Variants in ANK3 observed in about 807,000 individuals in gnomAD.
ANK3 encodes the protein ankyrin-3.
A neutral mutation model predicts 370.9 loss-of-function variants in ANK3; 57 were observed. That is an observed-to-expected ratio of 0.15 (90% CI 0.12 to 0.19). ANK3 has a LOEUF of 0.19. Among genes scored for constraint, ANK3 ranks in the 10% least tolerant of loss-of-function variants. The pLI is 1.00. For synonymous variants in ANK3, 1,929 were observed against 1,946.3 expected, an observed-to-expected ratio of 0.99 and a Z score of 0.23; for missense variants, 4,439 against 5,302.1, an observed-to-expected ratio of 0.84 and a Z score of 5.06.
At chr10:60,605,874 A>T (rs2078122392) in intron 2 of ANK3, among the ~76,000 whole-genome samples, 1 of 152,204 alleles carries the variant, frequency 6.6e-6, no homozygotes, top group African/African-American at 2.4e-5. Flanking sequence ...GACAGAAAGC[A>T]TTTACAAACT....
chr10:60,152,123 C>T (rs550229137), intron 23 of ANK3, among the ~76,000 whole-genome samples: 2 of 152,262 alleles, frequency 1.3e-5, no homozygotes, highest in South Asian at 4.1e-4. Context: ...AATGAAGGTA[C>T]AGATGTATAC....
At chr10:60,165,125 C>T (rs1228545802) in intron 23 of ANK3, among the ~76,000 whole-genome samples, 4 of 152,108 alleles carry the variant, frequency 2.6e-5, no homozygotes, top group African/African-American at 4.8e-5. Flanking sequence ...TTAGATATTT[C>T]GTTAATGAAC....
At chr10:60,530,631 C>T (rs982576322) in intron 2 of ANK3, among the ~76,000 whole-genome samples, 1 of 152,132 alleles carries the variant, frequency 6.6e-6, no homozygotes, top group South Asian at 2.1e-4. Flanking sequence ...CTAAAGCTGA[C>T]CCTGCTAAGG....
At chr10:60,360,520 A>G (rs2058436960) in intron 1 of ANK3, among the ~76,000 whole-genome samples, 1 of 152,138 alleles carries the variant, frequency 6.6e-6, no homozygotes, top group Non-Finnish European at 1.5e-5. Context: ...ACCAGCCTGG[A>G]TAACATAGTA....
rs140580798 is a variant in ANK3 at position 60,510,792 on chromosome 10, C to A, written c.96+104394G>T. Among the ~76,000 whole-genome samples the A allele has an allele frequency of 6.2e-3, 949 of 151,886 alleles. 4 individuals are homozygous for A. Among genetic ancestry groups the A allele is most frequent in the Non-Finnish European group, 0.011 (754 of 67,916 alleles). ...CTGATATCGCATCATTACACTCCAG[C>A]CTGGGCGACAGAGAAAGACTCTGTC... On this transcript the variant is annotated intron_variant, in intron 2 of 43. Coordinates refer to the ANK3 transcript ENST00000373827.
intron 2 of ANK3, among the ~76,000 whole-genome samples, chr10:60,579,310 C>T (rs1023459510): frequency 1.4e-4 from 17 of 118,364 alleles, no homozygotes; most frequent in African/African-American, 4.7e-4. Context: ...GGCACCAGAG[C>T]GAGACTCTCT....
At chr10:60,140,598 A>C (rs6479694) in intron 23 of ANK3, 1,350,911 of 1,380,108 alleles carry the variant, frequency 0.98, 661,766 homozygotes, top group Middle Eastern at 0.99. Context: ...TCAGGCCCCC[A>C]AAAAAATCTT....
chr10:60,259,933 C>T (rs1222975162), intron 7 of ANK3, among the ~76,000 whole-genome samples: 2 of 152,112 alleles, frequency 1.3e-5, no homozygotes, highest in African/African-American at 2.4e-5. Flanking sequence ...TCAAACTAGG[C>T]CTTGGATCTG....
At chr10:60,139,490 G>A (rs2094478804) in intron 23 of ANK3, 1 of 162,860 alleles carries the variant, frequency 6.1e-6, no homozygotes, top group Non-Finnish European at 1.3e-5. Context: ...CTTCATTACT[G>A]TTCTTGAAAT....
chr10:60,626,691 G>C (rs2078415115), intron 1 of ANK3, among the ~76,000 whole-genome samples: 1 of 152,146 alleles, frequency 6.6e-6, no homozygotes, highest in African/African-American at 2.4e-5. Flanking sequence ...CTTAGTGCCT[G>C]AGAGATGCTA....
intron 7 of ANK3, among the ~76,000 whole-genome samples, chr10:60,242,993 C>A (rs553759715): frequency 1.9e-3 from 284 of 152,238 alleles, no homozygotes; most frequent in African/African-American, 6.5e-3. Flanking sequence ...ACCGTACTTA[C>A]TTTGTAGTGT....
intron 2 of ANK3, among the ~76,000 whole-genome samples, chr10:60,432,616 C>CA (rs1351796451): frequency 6.6e-6 from 1 of 151,996 alleles, no homozygotes; most frequent in Non-Finnish European, 1.5e-5. Context: ...ATAATGATGA[C>CA]AAAATAATAA....
intron 1 of ANK3, among the ~76,000 whole-genome samples, chr10:60,711,377 A>AAAAT (rs769089985): frequency 5.4e-5 from 8 of 147,988 alleles, no homozygotes; most frequent in East Asian, 2.0e-4. Context: ...AAATTGAATA[A>AAAAT]AAATAAATAA....
chr10:60,030,254 T>C (rs2073125422), intron 43 of ANK3, among the ~76,000 whole-genome samples: 1 of 152,112 alleles, frequency 6.6e-6, no homozygotes, highest in African/African-American at 2.4e-5. Context: ...ACCATTCTCC[T>C]GCCTCAGCCT....
chr10:60,611,451 C>A (rs556660100), intron 2 of ANK3, among the ~76,000 whole-genome samples: 3 of 152,154 alleles, frequency 2.0e-5, no homozygotes, highest in Non-Finnish European at 2.9e-5. Flanking sequence ...ATAGTGGTAG[C>A]CCTGACTTCT....
At chr10:60,127,553 T>C (rs2093825951) in intron 25 of ANK3, among the ~76,000 whole-genome samples, 1 of 152,150 alleles carries the variant, frequency 6.6e-6, no homozygotes, top group African/African-American at 2.4e-5. Context: ...CTAATTCTGG[T>C]GTCATTTAAA....
intron 8 of ANK3, among the ~76,000 whole-genome samples, chr10:60,228,677 G>T (rs1565838997): frequency 6.6e-6 from 1 of 151,942 alleles, no homozygotes; most frequent in Non-Finnish European, 1.5e-5. Flanking sequence ...TTTGAGGAAG[G>T]AGGGTAATTA....
chr10:60,118,447 A>T (rs2093257452), intron 25 of ANK3, among the ~76,000 whole-genome samples: 1 of 152,192 alleles, frequency 6.6e-6, no homozygotes, highest in Non-Finnish European at 1.5e-5. Context: ...TAAGCTTCTA[A>T]TAAGAATCTA....
At chr10:60,291,512 G>A (rs2041387995) in intron 1 of ANK3, among the ~76,000 whole-genome samples, 1 of 152,042 alleles carries the variant, frequency 6.6e-6, no homozygotes, top group Non-Finnish European at 1.5e-5. Context: ...GTAAGGAACT[G>A]GTAGGATGAT....
Sources: allele counts gnomAD v4.1 joint callset (sites outside exome capture counted in the v4.1 genomes callset), GRCh38; gene constraint gnomAD v4.1.1; transcripts MANE v1.5; gene names NCBI Gene and HGNC (gene_info 2026-07-23, HGNC 2026-07-21).